The following NGEF variants were observed in gnomAD, a reference collection of about 807,000 sequenced individuals.
NGEF encodes the protein neuronal guanine nucleotide exchange factor.
In NGEF, 31 loss-of-function variants were observed where a neutral mutation model predicts 80.9. The ratio of observed to expected loss-of-function variants is 0.38; its 90% confidence interval spans 0.29 to 0.52. The LOEUF (loss-of-function observed/expected upper bound fraction) is 0.52, where lower values mean the gene tolerates loss of function less well. Among genes scored for constraint, NGEF ranks in the 20% least tolerant of loss-of-function variants. The probability of loss-of-function intolerance (pLI) is 0.84; values close to 1 mark genes in which losing one functional copy is unlikely to be tolerated. For missense variants in NGEF, 709 were observed against 926.2 expected, an observed-to-expected ratio of 0.77 and a Z score of 3.04; for synonymous variants, 371 against 370.2, an observed-to-expected ratio of 1.00 and a Z score of -0.03.
At chr2:232,885,206 G>T in intron 10 of NGEF, 74 bp downstream of exon 10, 1 of 1,367,856 alleles carries the variant, frequency 7.3e-7, no homozygotes, top group Admixed American at 1.8e-5. Context: ...AGCCAGGCGC[G>T]GTGATCTGTG....
At chr2:233,008,587 C>G (rs551377086) in intron 1 of NGEF, among the ~76,000 whole-genome samples, 7 of 152,194 alleles carry the variant, frequency 4.6e-5, no homozygotes, top group African/African-American at 1.7e-4. Context: ...TTCCATATCC[C>G]CTGTCACTGC....
At chr2:232,883,944 C>T in intron 11 of NGEF, 37 bp downstream of exon 11, 3 of 1,572,126 alleles carry the variant, frequency 1.9e-6, no homozygotes, top group Non-Finnish European at 2.6e-6. Flanking sequence ...CACTCCTCTA[C>T]CCACCGGAGC....
chr2:233,001,636 GGTGA>G (rs1438469125), intron 1 of NGEF, among the ~76,000 whole-genome samples: 1 of 152,214 alleles, frequency 6.6e-6, no homozygotes, highest in African/African-American at 2.4e-5. Context: ...TGCTGGCTTG[GGTGA>G]GTGAGTTTTT....
At chr2:232,915,658 A>G (rs1692785583) in intron 5 of NGEF, among the ~76,000 whole-genome samples, 1 of 152,048 alleles carries the variant, frequency 6.6e-6, no homozygotes, top group Admixed American at 6.6e-5. Flanking sequence ...GCGCATGGCA[A>G]CGTCTCCTCT....
intron 5 of NGEF, among the ~76,000 whole-genome samples, chr2:232,898,146 T>C (rs1574999408): frequency 6.6e-6 from 1 of 152,360 alleles, no homozygotes; most frequent in East Asian, 1.9e-4. Context: ...CCTAAGAAAA[T>C]GTGAAGCAGT....
intron 3 of NGEF, among the ~76,000 whole-genome samples, chr2:232,954,343 TA>T (rs1402573716): frequency 1.8e-4 from 28 of 152,156 alleles, no homozygotes; most frequent in African/African-American, 6.5e-4. Context: ...GCCCTGGAGT[TA>T]TTGTCTAATA....
chr2:232,971,916 G>A (rs751288829), intron 2 of NGEF, among the ~76,000 whole-genome samples: 16 of 151,950 alleles, frequency 1.1e-4, no homozygotes, highest in Non-Finnish European at 1.8e-4. Flanking sequence ...AGACTTCCCC[G>A]ACCCCCAACC....
chr2:232,976,804 G>C (rs552207848), intron 1 of NGEF, among the ~76,000 whole-genome samples: 4 of 152,188 alleles, frequency 2.6e-5, no homozygotes, highest in African/African-American at 9.6e-5. Context: ...TCCCCACCAC[G>C]GTCGTCTGGG....
chr2:233,009,696 GA>G (rs1559247317), intron 1 of NGEF, among the ~76,000 whole-genome samples: 2 of 152,076 alleles, frequency 1.3e-5, no homozygotes, highest in African/African-American at 4.8e-5. Flanking sequence ...AGCTTTGGGA[GA>G]CATGGTGCTG....
intron 1 of NGEF, among the ~76,000 whole-genome samples, chr2:233,000,738 C>T (rs1481116485): frequency 1.4e-5 from 2 of 146,264 alleles, no homozygotes; most frequent in African/African-American, 5.1e-5. Context: ...CCAGCTCGGG[C>T]GACAGAGCGA....
At chr2:232,912,159 A>G (rs1421771942) in intron 5 of NGEF, among the ~76,000 whole-genome samples, 2 of 152,196 alleles carry the variant, frequency 1.3e-5, no homozygotes, top group African/African-American at 4.8e-5. Flanking sequence ...GATGTGCCTT[A>G]TCAGGTCCAG....
intron 4 of NGEF, 39 bp from the exon 5 acceptor site, chr2:232,920,624 C>A (rs370054862): frequency 3.3e-6 from 5 of 1,500,206 alleles, no homozygotes; most frequent in South Asian, 1.4e-5. Flanking sequence ...AGGAAAAGAT[C>A]TCAGATGACA....
In NGEF at chr2:232,974,776, CTT is replaced by C; in HGVS notation, c.113_114del (p.Lys38ArgfsTer7). ...TCCTGGTCAGCTTGAGAAGTCTCCT[CTT>C]TTTCTGGGAGTAACTCAGGTTTCAC... ...AKVKPELLPEKEETSQADQDI... is the reference protein window; with the variant it reads ...AKVKPELLPEXEETSQADQDI... On this transcript the variant is annotated frameshift_variant, in exon 2 of 15. Transcript: ENST00000264051. LOFTEE classifies it high-confidence loss of function. 1.2e-6 allele frequency: 2 copies of C among 1,614,234 alleles called. No individual in the cohort carries two copies. Among genetic ancestry groups the C allele is most frequent in the Non-Finnish European group, 1.7e-6 (2 of 1,180,046 alleles).
intron 1 of NGEF, among the ~76,000 whole-genome samples, chr2:232,979,168 G>T (rs1279928385): frequency 6.6e-6 from 1 of 152,088 alleles, no homozygotes; most frequent in African/African-American, 2.4e-5. Context: ...TTCCTGTCCA[G>T]AAAACATGGG....
intron 1 of NGEF, among the ~76,000 whole-genome samples, chr2:232,994,139 T>C (rs912588859): frequency 1.3e-5 from 2 of 151,986 alleles, no homozygotes; most frequent in East Asian, 1.9e-4. Context: ...GGAGGCCGAA[T>C]TGGGTGGATC....
chr2:232,970,137 C>T (rs1694155528), intron 3 of NGEF, 77 bp downstream of exon 3: 1 of 729,776 alleles, frequency 1.4e-6, no homozygotes, highest in Admixed American at 3.1e-5. Flanking sequence ...CCCTCGTAAC[C>T]CTGTCAAGTC....
chr2:232,998,082 G>A (rs2106341286), intron 1 of NGEF, among the ~76,000 whole-genome samples: 1 of 152,292 alleles, frequency 6.6e-6, no homozygotes, highest in African/African-American at 2.4e-5. Flanking sequence ...AGGTGGTGGT[G>A]GAGACAAACC....
chr2:232,908,709 T>G (rs1168945393), intron 5 of NGEF, among the ~76,000 whole-genome samples: 1 of 152,068 alleles, frequency 6.6e-6, no homozygotes, highest in Non-Finnish European at 1.5e-5. Context: ...TCTGCATCAT[T>G]TGTACTTTTT....
intron 5 of NGEF, among the ~76,000 whole-genome samples, chr2:232,916,824 AG>A (rs1197902856): frequency 6.6e-6 from 1 of 152,250 alleles, no homozygotes; most frequent in African/African-American, 2.4e-5. Flanking sequence ...CGGGACCAGC[AG>A]TTCCACTTCC....
Sources: allele counts gnomAD v4.1 joint callset (sites outside exome capture counted in the v4.1 genomes callset), GRCh38; gene constraint gnomAD v4.1.1; transcripts MANE v1.5; gene names NCBI Gene and HGNC (gene_info 2026-07-23, HGNC 2026-07-21).